Variants in RAP1GAP2 observed in about 807,000 individuals in gnomAD.
RAP1GAP2 encodes the protein rap1 GTPase-activating protein 2.
Under a neutral mutation model 95.0 loss-of-function variants are expected in RAP1GAP2, and 27 were observed. The ratio of observed to expected loss-of-function variants is 0.28; its 90% CI spans 0.21 to 0.39. RAP1GAP2 has a LOEUF of 0.39. RAP1GAP2 is among the 10% of genes least tolerant of loss of function. RAP1GAP2 has a pLI of 1.00. For missense variants in RAP1GAP2, 771 were observed against 970.0 expected, an observed-to-expected ratio of 0.79 and a Z score of 2.72; for synonymous variants, 373 against 380.9, an observed-to-expected ratio of 0.98 and a Z score of 0.24.
intron 14 of RAP1GAP2, among the ~76,000 whole-genome samples, chr17:3,002,896 G>A (rs749455681): frequency 6.6e-6 from 1 of 152,106 alleles, no homozygotes; most frequent in Non-Finnish European, 1.5e-5. Context: ...AGGCGTGCTT[G>A]GGTGTGTGTG....
intron 2 of RAP1GAP2, among the ~76,000 whole-genome samples, chr17:2,820,892 G>GTTTTTTTTTTTTTT (rs59814346): frequency 4.4e-4 from 46 of 104,074 alleles, no homozygotes; most frequent in Admixed American, 7.6e-4. Context: ...CCGGATAATG[G>GTTTTTTTTTTTTTT]TTTTTTTTTT....
chr17:2,860,031 C>A (rs926263653), intron 2 of RAP1GAP2, among the ~76,000 whole-genome samples: 1 of 151,050 alleles, frequency 6.6e-6, no homozygotes, highest in Admixed American at 6.7e-5. Flanking sequence ...AGGGTGTGAA[C>A]CTGGTATCGG....
intron 3 of RAP1GAP2, among the ~76,000 whole-genome samples, chr17:2,956,815 G>C (rs1327661172): frequency 6.6e-6 from 1 of 152,160 alleles, no homozygotes; most frequent in Non-Finnish European, 1.5e-5. Context: ...GTTTGGACAA[G>C]TGCAATTGGG....
At chr17:2,851,313 A>G (rs2071837259) in intron 2 of RAP1GAP2, among the ~76,000 whole-genome samples, 1 of 152,146 alleles carries the variant, frequency 6.6e-6, no homozygotes, top group Non-Finnish European at 1.5e-5. Flanking sequence ...TCTCTTGCAT[A>G]AAGCTGGACA....
intron 2 of RAP1GAP2, among the ~76,000 whole-genome samples, chr17:2,892,934 C>A (rs925955620): frequency 1.3e-5 from 2 of 152,104 alleles, no homozygotes; most frequent in African/African-American, 4.8e-5. Flanking sequence ...TTTTTCTCTT[C>A]CCTCTTTTGT....
chr17:2,949,298 T>C (rs570788449), intron 3 of RAP1GAP2, among the ~76,000 whole-genome samples: 1 of 152,336 alleles, frequency 6.6e-6, no homozygotes, highest in East Asian at 1.9e-4. Flanking sequence ...ATTACATGCC[T>C]CTGTGAAAAT....
Position 3,005,915 on chromosome 17 carries a change from C to G in RAP1GAP2, c.1273-40C>G. The stretch of plus-strand genomic sequence containing the variant: ...GTGGCTGAAGACCTTCTGGCAACAG[C>G]CGAGAGTGACAGACCTGAGGTCCGT... On this transcript the variant is annotated intron_variant, in intron 15 of 24. Transcript: ENST00000254695. This position sits in a 1 kb window ranked among gnomAD's most constrained non-coding sequence, Gnocchi z 5.2. 6.3e-7 allele frequency: 1 copy of G among 1,579,106 alleles called. No homozygotes were observed. Among genetic ancestry groups the G allele is most frequent in the South Asian group, 1.1e-5 (1 of 90,360 alleles).
rs1388168412 is a variant in RAP1GAP2, at chr17:2,985,130, C to T, written c.813+64C>T. 9 of 1,605,664 alleles carry T rather than the reference C, an allele frequency of 5.6e-6. No individual in the cohort carries two copies. The Admixed American group carries it at 1.5e-4, about 27-fold the overall frequency. Reference sequence around the variant, plus strand: ...GTTTCTCACTTAGGACTCTTTTTATCCCCACCCAGAACACAGGAGTCCTGA... The same window carrying T: ...GTTTCTCACTTAGGACTCTTTTTATTCCCACCCAGAACACAGGAGTCCTGA... On this transcript the variant is annotated intron_variant, in intron 11 of 24. Transcript: ENST00000254695.
Position 2,871,108 on chromosome 17 carries a change from G to A in RAP1GAP2, c.81-34176G>A, listed in dbSNP as rs111711414. Among the ~76,000 whole-genome samples, 210 of 152,142 alleles carry A rather than the reference G, an allele frequency of 1.4e-3. No individual in the cohort carries two copies. Among genetic ancestry groups the A allele is most frequent in the African/African-American group, 4.8e-3 (200 of 41,504 alleles). ...GTAGCTGGAATTCCAGGCATGCGCCGCCACACCTGGCTAATTTTTGTATTT... is the reference window on the plus strand; with the variant it reads ...GTAGCTGGAATTCCAGGCATGCGCCACCACACCTGGCTAATTTTTGTATTT... On this transcript the variant is annotated intron_variant, in intron 2 of 24. Transcript: ENST00000254695. The surrounding 1 kb of genome is among the most constrained non-coding windows in gnomAD (Gnocchi z 5.0).
chr17:2,912,443 C>T (rs2042418958), intron 3 of RAP1GAP2, among the ~76,000 whole-genome samples: 1 of 152,154 alleles, frequency 6.6e-6, no homozygotes, highest in Admixed American at 6.6e-5. Context: ...GTGACAGTGT[C>T]AGCCCCCCAT....
At chr17:2,997,945 A>G (rs1026534998) in intron 13 of RAP1GAP2, among the ~76,000 whole-genome samples, 2 of 151,924 alleles carry the variant, frequency 1.3e-5, no homozygotes, top group Non-Finnish European at 2.9e-5. Flanking sequence ...AAAAGAAAAA[A>G]AAAAGATTGA....
upstream of RAP1GAP2, among the ~76,000 whole-genome samples, chr17:2,772,858 T>TCTTTA (rs1555540238): frequency 3.9e-5 from 5 of 129,514 alleles, no homozygotes; most frequent in African/African-American, 1.7e-4. Flanking sequence ...TTTCTTTCTT[T>TCTTTA]TTTTTTTTTT....
intron 17 of RAP1GAP2, among the ~76,000 whole-genome samples, chr17:3,013,579 G>C (rs1044911290): frequency 2.0e-5 from 3 of 151,044 alleles, no homozygotes; most frequent in Admixed American, 2.0e-4. Flanking sequence ...ACTAATTGAG[G>C]AGCCAGTGTC....
Position 2,803,617 on chromosome 17 carries a change from G to T in RAP1GAP2, c.80+3067G>T, listed in dbSNP as rs142941280. Among the ~76,000 whole-genome samples the T allele has an allele frequency of 2.3e-4, 35 of 152,316 alleles. No homozygotes were observed. The East Asian group carries it at 6.4e-3, about 28-fold the overall frequency. On this transcript the variant is annotated intron_variant, in intron 2 of 24. Coordinates refer to ENST00000254695, the MANE Select transcript of RAP1GAP2 (RefSeq NM_015085.5). Reference sequence around the variant, plus strand: ...ATCGCGGCCAGGCGCGATGGCTCACGCCTGTAATCCCAGCACTTTCGGAGG... The same window carrying T: ...ATCGCGGCCAGGCGCGATGGCTCACTCCTGTAATCCCAGCACTTTCGGAGG...
At chr17:2,916,579 A>G (rs934115976) in intron 3 of RAP1GAP2, among the ~76,000 whole-genome samples, 1 of 152,122 alleles carries the variant, frequency 6.6e-6, no homozygotes, top group African/African-American at 2.4e-5. Flanking sequence ...GCTCTGCGTG[A>G]ATCATTTCAA....
chr17:2,921,966 G>C (rs747275040), intron 3 of RAP1GAP2, among the ~76,000 whole-genome samples: 3 of 152,188 alleles, frequency 2.0e-5, no homozygotes, highest in Admixed American at 1.3e-4. Context: ...GAGCCCACCT[G>C]GGTAATCGGG....
At chr17:2,814,569 T>A (rs921356901) in intron 2 of RAP1GAP2, among the ~76,000 whole-genome samples, 1 of 152,144 alleles carries the variant, frequency 6.6e-6, no homozygotes, top group African/African-American at 2.4e-5. Context: ...CGTGGGGATC[T>A]GGTGGTTTCT....
chr17:2,981,959 C>T (rs926418274), intron 10 of RAP1GAP2, among the ~76,000 whole-genome samples: 1 of 152,202 alleles, frequency 6.6e-6, no homozygotes, highest in African/African-American at 2.4e-5. Context: ...TGGAGAGGGA[C>T]AACGGAAGCA....
In RAP1GAP2 at chr17:2,963,192, T is replaced by A; in HGVS notation, c.247-238T>A. ...AGCTGGTATCACGAGGGGTGAGAAG[T>A]TCAGCACCTTCGGACACTGCATCAT... On this transcript the variant is annotated intron_variant, in intron 5 of 24. Transcript: ENST00000254695. This position sits in a 1 kb window ranked among gnomAD's most constrained non-coding sequence, Gnocchi z 4.8. 1.7e-6 allele frequency: 1 copy of A among 594,272 alleles called. No individual in the cohort carries two copies. Among genetic ancestry groups the A allele is most frequent in the South Asian group, 2.0e-5 (1 of 49,554 alleles). 36.8% of individuals were successfully genotyped at this position (594,272 alleles called of 1,614,324 possible).
Sources: allele counts gnomAD v4.1 joint callset (sites outside exome capture counted in the v4.1 genomes callset), GRCh38; gene constraint gnomAD v4.1.1; non-coding constraint Gnocchi (gnomAD v3.1); transcripts MANE v1.5; gene names NCBI Gene and HGNC (gene_info 2026-07-23, HGNC 2026-07-21).